The following EBF3 variants were observed in gnomAD, a reference collection of about 807,000 sequenced individuals.
EBF3 encodes transcription factor COE3.
Under a neutral mutation model 77.1 loss-of-function variants are expected in EBF3, and 18 were observed. That is an observed-to-expected ratio of 0.23 (90% CI 0.16 to 0.35). The LOEUF (loss-of-function observed/expected upper bound fraction) is 0.35, where lower values mean the gene tolerates loss of function less well. EBF3 is among the 10% of genes least tolerant of loss of function. The pLI, the probability that EBF3 is intolerant of heterozygous loss-of-function variation, is 1.00. For missense variants in EBF3, 558 were observed against 860.0 expected (o/e 0.65, Z 4.39); for synonymous variants, 350 against 343.5 (o/e 1.02, Z -0.21).
chr10:129,882,628 T>G (rs976876828), intron 6 of EBF3, among the ~76,000 whole-genome samples: 2 of 152,226 alleles, frequency 1.3e-5, no homozygotes, highest in Non-Finnish European at 2.9e-5. Context: ...AAAGGGGGCC[T>G]CTGTGTATTG....
chr10:129,898,791 C>A (rs779050922), intron 6 of EBF3, among the ~76,000 whole-genome samples: 1 of 152,142 alleles, frequency 6.6e-6, no homozygotes, highest in Non-Finnish European at 1.5e-5. Flanking sequence ...GCCTCTTAGA[C>A]CCCTCATTTC....
Position 129,947,022 on chromosome 10 carries a change from G to A in EBF3, c.554+10236C>T, listed in dbSNP as rs1416572033. Among the ~76,000 whole-genome samples, 3 of 152,170 alleles carry A rather than the reference G, an allele frequency of 2.0e-5. No homozygotes were observed. Among genetic ancestry groups the A allele is most frequent in the Non-Finnish European group, 2.9e-5 (2 of 68,022 alleles). The stretch of plus-strand genomic sequence containing the variant: ...ATGGCGGCTGCCCAGTGGCTGGATC[G>A]GGCCGATGACCTCGGACAGTGGGGA... On this transcript the variant is annotated intron_variant, in intron 6 of 16. Transcript: ENST00000440978. This position sits in a 1 kb window ranked among gnomAD's most constrained non-coding sequence, Gnocchi z 4.5.
At chr10:129,941,678 A>C (rs1857751603) in intron 6 of EBF3, among the ~76,000 whole-genome samples, 2 of 152,236 alleles carry the variant, frequency 1.3e-5, no homozygotes, top group African/African-American at 4.8e-5. Flanking sequence ...GCAGCGCTCC[A>C]TCCCCAGGGC....
At position 129,863,508 on chromosome 10, in the gene EBF3, C is replaced by T. The variant is rs911052757; in HGVS notation, c.1039+3633G>A. Among the ~76,000 whole-genome samples, 6 of 152,196 alleles carry T rather than the reference C, an allele frequency of 3.9e-5. No homozygotes were observed. The highest frequency in any genetic ancestry group is 1.2e-4 in the African/African-American group (5 of 41,452). ...TTGCAAAGCCCCTCCCAGCCTCTGG[C>T]GGGCGGCCCCTCCTCTGAGCACAGG... On this transcript the variant is annotated intron_variant, in intron 10 of 16. Coordinates refer to ENST00000440978, the MANE Select transcript of EBF3 (RefSeq NM_001375380.1). The surrounding 1 kb of genome is among the most constrained non-coding windows in gnomAD (Gnocchi z 4.0).
Position 129,885,573 on chromosome 10 carries a change from A to G in EBF3, c.555-7724T>C, listed in dbSNP as rs2134167545. ...ACTAGGGTTCTTGTTTCAAGTGCCT[A>G]TCTTTCTTTCCCCCCTTTACCTATT... On this transcript the variant is annotated intron_variant, in intron 6 of 16. Transcript: ENST00000440978. The surrounding 1 kb of genome is among the most constrained non-coding windows in gnomAD (Gnocchi z 4.0). 6.6e-6 allele frequency among the ~76,000 whole-genome samples: 1 copy of G among 152,314 alleles called. No homozygotes were observed. The highest frequency in any genetic ancestry group is 2.1e-4 in the South Asian group (1 of 4,826).
intron 6 of EBF3, among the ~76,000 whole-genome samples, chr10:129,941,616 C>T (rs544541323): frequency 2.6e-5 from 4 of 152,252 alleles, no homozygotes; most frequent in Admixed American, 6.5e-5. Context: ...ACTCTGGCGG[C>T]GGTGGAGGTG....
Position 129,940,575 on chromosome 10 carries a change from A to G in EBF3, c.554+16683T>C, listed in dbSNP as rs536911554. Among the ~76,000 whole-genome samples, 621 of 152,366 alleles carry G rather than the reference A, an allele frequency of 4.1e-3. 5 individuals carry two copies. The highest frequency in any genetic ancestry group is 0.021 in the South Asian group (101 of 4,828). On this transcript the variant is annotated intron_variant, in intron 6 of 16. Coordinates refer to ENST00000440978, the MANE Select transcript of EBF3 (RefSeq NM_001375380.1). ...TTATAATAAGAGGGCTGTGAGAGGCATACCTTGTAAAGAGCCCCATGCTTA... is the reference window on the plus strand; with the variant it reads ...TTATAATAAGAGGGCTGTGAGAGGCGTACCTTGTAAAGAGCCCCATGCTTA...
rs763810122 is a variant in EBF3 at position 129,944,114 on chromosome 10, C to T, written c.554+13144G>A. ...CACCGTTCTAGTAATCAAGTTATTC[C>T]TGTAAAATCCTAAATAAAATGAGAA... On this transcript the variant is annotated intron_variant, in intron 6 of 16. Transcript: ENST00000440978. The surrounding 1 kb of genome is among the most constrained non-coding windows in gnomAD (Gnocchi z 5.1). Among the ~76,000 whole-genome samples, 1 of 152,256 alleles carries T rather than the reference C, an allele frequency of 6.6e-6. No homozygotes were observed. Among genetic ancestry groups the T allele is most frequent in the East Asian group, 1.9e-4 (1 of 5,186 alleles).
chr10:129,843,468 G>A, intron 11 of EBF3: 2 of 418,426 alleles, frequency 4.8e-6, no homozygotes, highest in Non-Finnish European at 8.7e-6. Flanking sequence ...GCACGGACAA[G>A]CGGGAGGGCC....
intron 3 of EBF3, 125 bp from the exon 4 acceptor site, chr10:129,962,351 T>A (rs1010593392): frequency 2.4e-6 from 2 of 818,078 alleles, no homozygotes; most frequent in Non-Finnish European, 4.0e-6. Flanking sequence ...ACTTAGGCAA[T>A]CCCTTTGAAA....
At chr10:129,941,429 C>T (rs1474557941) in intron 6 of EBF3, among the ~76,000 whole-genome samples, 1 of 152,242 alleles carries the variant, frequency 6.6e-6, no homozygotes, top group Non-Finnish European at 1.5e-5. Context: ...GGTGGCCCAG[C>T]AGCCCTTCTT....
At chr10:129,857,747 C>T (rs1851351866) in intron 10 of EBF3, among the ~76,000 whole-genome samples, 1 of 152,188 alleles carries the variant, frequency 6.6e-6, no homozygotes, top group South Asian at 2.1e-4. Flanking sequence ...AAGGGACCCA[C>T]TGCCGGGTGG....
intron 10 of EBF3, among the ~76,000 whole-genome samples, chr10:129,850,339 T>G (rs1850778830): frequency 6.6e-6 from 1 of 152,234 alleles, no homozygotes; most frequent in South Asian, 2.1e-4. Flanking sequence ...TACACTCTCA[T>G]TCTGGGAGAG....
In EBF3 at chr10:129,842,421, A is replaced by G; in HGVS notation, c.1195-128T>C. 1 of 1,060,728 alleles carries G rather than the reference A, an allele frequency of 9.4e-7. No individual in the cohort carries two copies. The highest frequency in any genetic ancestry group is 1.3e-6 in the Non-Finnish European group (1 of 760,018). The allele number at this position is 1,060,728 out of a possible 1,614,324, so 65.7% of individuals were successfully genotyped here. On this transcript the variant is annotated intron_variant, in intron 12 of 16. Transcript: ENST00000440978. The surrounding 1 kb of genome is among the most constrained non-coding windows in gnomAD (Gnocchi z 4.4). ...AGACCATGACCAAATCTATTTCTTA[A>G]TGGGCAAAGAGCTTCCCCTAGAAAA...
At chr10:129,909,677 A>G (rs1357698716) in intron 6 of EBF3, among the ~76,000 whole-genome samples, 2 of 152,182 alleles carry the variant, frequency 1.3e-5, no homozygotes, top group South Asian at 4.1e-4. Context: ...AGCACTGTGC[A>G]TGCTGGGTGC....
At chr10:129,896,666 G>A (rs916604059) in intron 6 of EBF3, among the ~76,000 whole-genome samples, 2 of 152,216 alleles carry the variant, frequency 1.3e-5, no homozygotes, top group African/African-American at 2.4e-5. Context: ...CGCTGACCTC[G>A]CCGGTGCCTT....
chr10:129,898,856 T>C (rs1854579583), intron 6 of EBF3, among the ~76,000 whole-genome samples: 1 of 152,138 alleles, frequency 6.6e-6, no homozygotes, highest in Non-Finnish European at 1.5e-5. Context: ...CCGCTGCGCC[T>C]CCCGCAGCAA....
chr10:129,867,935 G>A, intron 8 of EBF3, 23 bp from the exon 9 acceptor site: 1 of 1,612,412 alleles, frequency 6.2e-7, no homozygotes, highest in Non-Finnish European at 8.5e-7. Context: ...GACAGAGAAG[G>A]CAGACCTTAG....
intron 5 of EBF3, 96 bp from the exon 6 acceptor site, chr10:129,957,422 G>A (rs924668023): frequency 7.8e-6 from 8 of 1,023,334 alleles, no homozygotes; most frequent in African/African-American, 3.3e-5. Context: ...ACAATGAAGC[G>A]GTAGGAGTCA....
Sources: allele counts gnomAD v4.1 joint callset (sites outside exome capture counted in the v4.1 genomes callset), GRCh38; gene constraint gnomAD v4.1.1; non-coding constraint Gnocchi (gnomAD v3.1); transcripts MANE v1.5; gene names NCBI Gene and HGNC (gene_info 2026-07-23, HGNC 2026-07-21).